Variants in NT5DC3 observed in about 807,000 individuals in gnomAD.
The protein encoded by NT5DC3 is 5'-nucleotidase domain-containing protein 3.
Under a neutral mutation model 67.8 loss-of-function variants are expected in NT5DC3, and 42 were observed. The ratio of observed to expected loss-of-function variants is 0.62; its 90% CI spans 0.48 to 0.80. The LOEUF (loss-of-function observed/expected upper bound fraction) is 0.80, where lower values mean the gene tolerates loss of function less well. Ranked by LOEUF, NT5DC3 falls within the 30% of genes least tolerant of loss-of-function variation. The pLI is 0.00. For synonymous variants in NT5DC3, 237 were observed against 255.6 expected (o/e 0.93, Z 0.69); for missense variants, 570 against 696.4 (o/e 0.82, Z 2.04).
intron 1 of NT5DC3, among the ~76,000 whole-genome samples, chr12:103,834,505 G>T (rs1328894319): frequency 6.6e-6 from 1 of 152,054 alleles, no homozygotes; most frequent in Admixed American, 6.5e-5. Context: ...TGGATGGCAG[G>T]CTGGAAGAAA....
intron 4 of NT5DC3, among the ~76,000 whole-genome samples, chr12:103,799,975 A>G (rs1886496646): frequency 1.3e-5 from 2 of 152,124 alleles, no homozygotes; most frequent in African/African-American, 4.8e-5. Context: ...AGTGCTTGAG[A>G]AATAGACACC....
At chr12:103,807,167 G>A (rs991860874) in intron 2 of NT5DC3, among the ~76,000 whole-genome samples, 15 of 151,900 alleles carry the variant, frequency 9.9e-5, no homozygotes, top group Admixed American at 6.6e-5. Context: ...CACAGGCTGG[G>A]CCTCATTCTC....
chr12:103,807,691 C>T (rs1376405774), intron 2 of NT5DC3, among the ~76,000 whole-genome samples: 1 of 152,200 alleles, frequency 6.6e-6, no homozygotes, highest in Non-Finnish European at 1.5e-5. Context: ...GGCTCTATGT[C>T]CCCAGCCAAG....
At chr12:103,808,554 C>T (rs1013216375) in intron 2 of NT5DC3, among the ~76,000 whole-genome samples, 1 of 152,230 alleles carries the variant, frequency 6.6e-6, no homozygotes, top group Non-Finnish European at 1.5e-5. Context: ...TCAAGTCAAG[C>T]TGCACAAAGC....
chr12:103,834,002 C>G (rs936817544), intron 1 of NT5DC3, among the ~76,000 whole-genome samples: 10 of 152,158 alleles, frequency 6.6e-5, no homozygotes, highest in African/African-American at 2.4e-4. Context: ...GCACTACCAA[C>G]AGTTGAGGCC....
the NT5DC3 span, chr12:103,750,731 C>T: frequency 1.2e-6 from 2 of 1,608,234 alleles, no homozygotes; most frequent in African/African-American, 1.3e-5. Context: ...GTTAGTGTGA[C>T]CAGGGCCTAT....
At chr12:103,831,738 A>G (rs1887935438) in intron 1 of NT5DC3, among the ~76,000 whole-genome samples, 2 of 150,522 alleles carry the variant, frequency 1.3e-5, no homozygotes, top group South Asian at 4.2e-4. Flanking sequence ...TCACACCTTC[A>G]AGGCTGGTCA....
At chr12:103,768,702 G>A (rs1455726934), downstream of NT5DC3, 1 of 144,990 alleles carries the variant, frequency 6.9e-6, no homozygotes, top group African/African-American at 2.6e-5. Flanking sequence ...TTTACAACCA[G>A]AAGAAACAGG....
intron 12 of NT5DC3, among the ~76,000 whole-genome samples, chr12:103,784,490 C>T (rs1175638409): frequency 3.3e-5 from 5 of 152,218 alleles, no homozygotes; most frequent in Admixed American, 6.5e-5. Context: ...AAGGCAATTC[C>T]CTGCCCATTT....
chr12:103,776,334 T>C lies in NT5DC3; in HGVS notation c.*1495A>G, dbSNP rs533581594. 6 of 152,322 alleles carry C rather than the reference T, an allele frequency of 3.9e-5. No homozygotes were observed. Among genetic ancestry groups the C allele is most frequent in the Non-Finnish European group, 8.8e-5 (6 of 68,096 alleles). The allele number at this position is 152,322 out of a possible 1,614,324, so 9.4% of individuals were successfully genotyped here. ...AATTTGGGAGGCCAAGGCGGGCAGA[T>C]TATCTGAGGTCGGGAGTTCGAGACC... On this transcript the variant is annotated 3_prime_UTR_variant, in exon 14 of 14. Coordinates refer to ENST00000392876, the MANE Select transcript of NT5DC3 (RefSeq NM_001031701.3).
At chr12:103,769,345 T>C (rs1401516585), downstream of NT5DC3, among the ~76,000 whole-genome samples, 1 of 152,154 alleles carries the variant, frequency 6.6e-6, no homozygotes, top group Non-Finnish European at 1.5e-5. Flanking sequence ...CAGCAGGCCC[T>C]CAGCATGGGG....
At chr12:103,783,907 C>G (rs1017239901) in intron 12 of NT5DC3, among the ~76,000 whole-genome samples, 1 of 152,068 alleles carries the variant, frequency 6.6e-6, no homozygotes, top group Non-Finnish European at 1.5e-5. Flanking sequence ...GAGGGTGAGT[C>G]AAGCCTTGCC....
the NT5DC3 span, among the ~76,000 whole-genome samples, chr12:103,756,632 T>G: frequency 2.0e-5 from 3 of 152,038 alleles, no homozygotes; most frequent in African/African-American, 7.2e-5. Context: ...GGTTCCAGCC[T>G]CCCCCTCATG....
chr12:103,755,744 C>T, the NT5DC3 span: 153 of 1,610,868 alleles, frequency 9.5e-5, no homozygotes, highest in Non-Finnish European at 1.2e-4. Context: ...GCTTGGTTTG[C>T]CTCAGGCAGG....
chr12:103,840,965 C>A lies in NT5DC3; in HGVS notation c.192G>T (p.Ala64=). Residue 64 remains alanine (A), a synonymous_variant, in exon 1 of 14, where the codon GCG becomes GCT. Transcript: ENST00000392876. ...CTCACTCACCTTCTGTGCTTCTCTT[C>A]GCCTCCCGGTAGCGCTCCCACAGGT... ...KRYLWERYRE[A]KRSTEELVPS... is the part of the protein sequence containing the mutation. 7.4e-7 allele frequency: 1 copy of A among 1,350,660 alleles called. No homozygotes were observed. The highest frequency in any genetic ancestry group is 3.1e-5 in the East Asian group (1 of 32,488). 83.7% of individuals were successfully genotyped at this position (1,350,660 alleles called of 1,614,324 possible).
At chr12:103,840,502 C>G (rs894081705) in intron 1 of NT5DC3, among the ~76,000 whole-genome samples, 2 of 138,272 alleles carry the variant, frequency 1.4e-5, no homozygotes. Flanking sequence ...GCCTCGGGAT[C>G]GGCCACCTCC....
At chr12:103,800,409 A>G (rs994227840) in intron 4 of NT5DC3, among the ~76,000 whole-genome samples, 8 of 152,266 alleles carry the variant, frequency 5.3e-5, no homozygotes, top group African/African-American at 1.7e-4. Flanking sequence ...GCTGAGTAGC[A>G]GCAGTCATGT....
chr12:103,820,065 T>C (rs1450150163), intron 1 of NT5DC3, among the ~76,000 whole-genome samples: 1 of 152,230 alleles, frequency 6.6e-6, no homozygotes, highest in Non-Finnish European at 1.5e-5. Flanking sequence ...GGTTCATCCA[T>C]GGTGTAGCAT....
the NT5DC3 span, chr12:103,761,265 A>C: frequency 6.3e-7 from 1 of 1,594,026 alleles, no homozygotes; most frequent in Non-Finnish European, 8.6e-7. Context: ...CCACTCGGAG[A>C]GTAAAAGCCA....
Sources: allele counts gnomAD v4.1 joint callset (sites outside exome capture counted in the v4.1 genomes callset), GRCh38; gene constraint gnomAD v4.1.1; transcripts MANE v1.5; gene names NCBI Gene and HGNC (gene_info 2026-07-23, HGNC 2026-07-21).